PTPRM: variants seen among roughly 807,000 people sequenced by gnomAD.
PTPRM encodes protein tyrosine phosphatase receptor type M.
A neutral mutation model predicts 186.7 loss-of-function variants in PTPRM; 47 were observed. That is an observed-to-expected ratio of 0.25 (90% CI 0.20 to 0.32). The LOEUF (loss-of-function observed/expected upper bound fraction) is 0.32. Among genes scored for constraint, PTPRM ranks in the 10% least tolerant of loss-of-function variants. The probability of loss-of-function intolerance (pLI) is 1.00; values close to 1 mark genes in which losing one functional copy is unlikely to be tolerated. For missense variants in PTPRM, 1,494 were observed against 1,865.0 expected, an observed-to-expected ratio of 0.80 and a Z score of 3.66; for synonymous variants, 668 against 674.9, an observed-to-expected ratio of 0.99 and a Z score of 0.16.
chr18:7,994,477 G>A (rs2083432382), intron 7 of PTPRM, among the ~76,000 whole-genome samples: 1 of 152,076 alleles, frequency 6.6e-6, no homozygotes, highest in Non-Finnish European at 1.5e-5. Context: ...AGACCACATG[G>A]ACCTAGCAGA....
In PTPRM at chr18:8,383,296, C is replaced by CAAAAAAA. The variant is rs59442781; in HGVS notation, c.3919-1237_3919-1231dup. ...CTGGCGACAGAACGAGCTTCTGCCT[C>CAAAAAAA]AAAAAAAAAAAAAAAAAAAAAAAAA... On this transcript the variant is annotated intron_variant, in intron 29 of 32. Coordinates refer to ENST00000580170, the MANE Select transcript of PTPRM (RefSeq NM_001105244.2). 1.9e-3 allele frequency among the ~76,000 whole-genome samples: 59 copies of CAAAAAAA among 30,436 alleles called. 3 individuals carry two copies. The highest frequency in any genetic ancestry group is 2.3e-3 in the African/African-American group (17 of 7,454). The allele number at this position is 30,436 out of a possible 152,430, so 20.0% of individuals were successfully genotyped here. A position where few individuals can be genotyped will look rare whatever the true frequency, so the allele number is the denominator to read the frequency against.
At chr18:8,303,975 G>C (rs543887850) in intron 20 of PTPRM, among the ~76,000 whole-genome samples, 19 of 152,162 alleles carry the variant, frequency 1.2e-4, no homozygotes, top group Non-Finnish European at 2.2e-4. Flanking sequence ...TCCATTATTT[G>C]CAGAAATCAA....
At chr18:7,730,463 A>C (rs963133980) in intron 1 of PTPRM, among the ~76,000 whole-genome samples, 3 of 152,186 alleles carry the variant, frequency 2.0e-5, no homozygotes, top group Admixed American at 1.3e-4. Flanking sequence ...TAAAGCACAC[A>C]TAATTAGAAA....
At chr18:7,711,782 A>G (rs1346822204) in intron 1 of PTPRM, among the ~76,000 whole-genome samples, 2 of 152,050 alleles carry the variant, frequency 1.3e-5, no homozygotes, top group Non-Finnish European at 2.9e-5. Flanking sequence ...TGCCTCCCTA[A>G]ATTCCTCCTC....
At chr18:7,632,189 C>T (rs983615738) in intron 1 of PTPRM, among the ~76,000 whole-genome samples, 2 of 152,226 alleles carry the variant, frequency 1.3e-5, no homozygotes, top group Non-Finnish European at 2.9e-5. Context: ...ATATCCATTT[C>T]ACTGTAGTGA....
intron 7 of PTPRM, among the ~76,000 whole-genome samples, chr18:8,055,165 A>G (rs952857690): frequency 1.1e-4 from 17 of 152,146 alleles, no homozygotes; most frequent in African/African-American, 3.1e-4. Flanking sequence ...TTTGACTGAT[A>G]TCTCTTGTCA....
At position 8,289,415 on chromosome 18, in the gene PTPRM, CAT is replaced by C. The variant is rs576165886; in HGVS notation, c.2755-6947_2755-6946del. Among the ~76,000 whole-genome samples the C allele has an allele frequency of 5.6e-3, 742 of 132,652 alleles. 7 individuals carry two copies. Among genetic ancestry groups the C allele is most frequent in the African/African-American group, 0.02 (685 of 34,788 alleles). The allele number at this position is 132,652 out of a possible 152,430, so 87.0% of individuals were successfully genotyped here. The stretch of plus-strand genomic sequence containing the variant: ...GTGTGTGTGTATATATATATATACA[CAT>C]ATATACGTATATATATGTATATATA... On this transcript the variant is annotated intron_variant, in intron 19 of 32. Coordinates refer to ENST00000580170, the MANE Select transcript of PTPRM (RefSeq NM_001105244.2).
intron 2 of PTPRM, among the ~76,000 whole-genome samples, chr18:7,864,263 T>G (rs966931026): frequency 1.3e-5 from 2 of 152,238 alleles, no homozygotes; most frequent in African/African-American, 4.8e-5. Context: ...AGTCATGAAG[T>G]CTTTGCCCAT....
At chr18:7,667,886 G>A (rs2039132733) in intron 1 of PTPRM, among the ~76,000 whole-genome samples, 1 of 151,868 alleles carries the variant, frequency 6.6e-6, no homozygotes, top group African/African-American at 2.4e-5. Flanking sequence ...TAATTATTCA[G>A]TGAAATGAGA....
At chr18:7,612,798 G>C (rs1788002174) in intron 1 of PTPRM, among the ~76,000 whole-genome samples, 2 of 152,166 alleles carry the variant, frequency 1.3e-5, no homozygotes, top group African/African-American at 4.8e-5. Context: ...TTAGCATTGT[G>C]TAGGTGAGGC....
At chr18:8,055,342 T>C (rs2087846593) in intron 7 of PTPRM, among the ~76,000 whole-genome samples, 1 of 152,170 alleles carries the variant, frequency 6.6e-6, no homozygotes, top group South Asian at 2.1e-4. Flanking sequence ...CTGTGCTACA[T>C]TCTAGATAAT....
chr18:7,830,204 A>G (rs2045688966), intron 2 of PTPRM, among the ~76,000 whole-genome samples: 1 of 152,040 alleles, frequency 6.6e-6, no homozygotes, highest in Non-Finnish European at 1.5e-5. Context: ...CTTACTGGGC[A>G]TGTGTTTCAA....
At chr18:8,345,565 G>C (rs2148282978) in intron 23 of PTPRM, among the ~76,000 whole-genome samples, 1 of 151,970 alleles carries the variant, frequency 6.6e-6, no homozygotes, top group South Asian at 2.1e-4. Context: ...GTTAAAAATT[G>C]ACGCATGGAA....
At chr18:7,706,582 A>T (rs1005701533) in intron 1 of PTPRM, among the ~76,000 whole-genome samples, 1 of 143,616 alleles carries the variant, frequency 7.0e-6, no homozygotes, top group Non-Finnish European at 1.5e-5. Flanking sequence ...AGCCTGGATG[A>T]CAGAACAAGA....
chr18:7,733,954 C>T (rs1314074255), intron 1 of PTPRM, among the ~76,000 whole-genome samples: 3 of 152,204 alleles, frequency 2.0e-5, no homozygotes, highest in African/African-American at 7.2e-5. Context: ...GGTACCCTTC[C>T]CTAATCCTAG....
chr18:7,590,167 C>T (rs750405344), intron 1 of PTPRM, among the ~76,000 whole-genome samples: 1 of 152,170 alleles, frequency 6.6e-6, no homozygotes, highest in African/African-American at 2.4e-5. Context: ...AAGAAAATGA[C>T]GAAGCACAGG....
intron 3 of PTPRM, among the ~76,000 whole-genome samples, chr18:7,897,749 A>G (rs1482566986): frequency 6.6e-6 from 1 of 152,168 alleles, no homozygotes; most frequent in Non-Finnish European, 1.5e-5. Flanking sequence ...CTGCCGCTAT[A>G]TGCATATCAA....
At chr18:7,961,595 G>A (rs1161985918) in intron 7 of PTPRM, among the ~76,000 whole-genome samples, 5 of 152,206 alleles carry the variant, frequency 3.3e-5, no homozygotes, top group Non-Finnish European at 7.3e-5. Flanking sequence ...ATGTTTACTA[G>A]TAAAGCATGT....
At chr18:8,217,296 T>C (rs1404045857) in intron 14 of PTPRM, among the ~76,000 whole-genome samples, 1 of 152,128 alleles carries the variant, frequency 6.6e-6, no homozygotes, top group Non-Finnish European at 1.5e-5. Flanking sequence ...GGCAAGTCAG[T>C]AGGTTTCTGC....
Sources: gnomAD v4.1 joint callset for allele counts (sites outside exome capture counted in the v4.1 genomes callset) on GRCh38, gnomAD v4.1.1 for gene constraint, MANE v1.5 for transcripts, NCBI Gene and HGNC (gene_info 2026-07-23, HGNC 2026-07-21) for gene names.